EXOC7: variants seen among roughly 807,000 people sequenced by gnomAD.
EXOC7 encodes exocyst complex component 7, also known as exocyst complex component Exo70.
A neutral mutation model predicts 87.6 loss-of-function variants in EXOC7; 51 were observed. That is an observed-to-expected ratio of 0.58 (90% CI 0.46 to 0.73). The LOEUF (loss-of-function observed/expected upper bound fraction) is 0.73. EXOC7 is among the 30% of genes least tolerant of loss of function. The pLI is 0.00. For missense variants in EXOC7, 744 were observed against 888.4 expected (o/e 0.84, Z 2.07); for synonymous variants, 327 against 357.1 (o/e 0.92, Z 0.95).
At chr17:76,089,425 G>C in intron 7 of EXOC7, 105 bp from the exon 8 acceptor site, 1 of 1,404,696 alleles carries the variant, frequency 7.1e-7, no homozygotes, top group Non-Finnish European at 9.8e-7. Context: ...CACACTGGCA[G>C]AGGATGGGGA....
At chr17:76,103,329 C>CCTGCA in intron 2 of EXOC7, 32 bp downstream of exon 2, 1 of 1,562,620 alleles carries the variant, frequency 6.4e-7, no homozygotes, top group Non-Finnish European at 8.7e-7. Context: ...GTCCGGAGGC[C>CCTGCA]TGCCCTCTCC....
intron 2 of EXOC7, among the ~76,000 whole-genome samples, chr17:76,102,324 C>G (rs2144713901): frequency 6.6e-6 from 1 of 151,842 alleles, no homozygotes; most frequent in Admixed American, 6.6e-5. Context: ...CCTGTAATAC[C>G]CAGAATTTGG....
At chr17:76,094,822 T>G (rs1264189515) in intron 5 of EXOC7, among the ~76,000 whole-genome samples, 1 of 150,612 alleles carries the variant, frequency 6.6e-6, no homozygotes, top group Non-Finnish European at 1.5e-5. Context: ...GTCAGCTCAC[T>G]GCAGGCTCGA....
intron 4 of EXOC7, among the ~76,000 whole-genome samples, chr17:76,100,336 A>T (rs1437983950): frequency 6.6e-6 from 1 of 152,108 alleles, no homozygotes; most frequent in African/African-American, 2.4e-5. Context: ...GAGTTAAAAT[A>T]GCACATTTTG....
In EXOC7 at chr17:76,103,737, C is replaced by A. The variant is rs1411848409; in HGVS notation, c.-45G>T. 18 of 1,545,710 alleles carry A rather than the reference C, an allele frequency of 1.2e-5. No individual in the cohort carries two copies. Among genetic ancestry groups the A allele is most frequent in the Non-Finnish European group, 1.6e-5 (18 of 1,144,268 alleles). ...CCCACTCCCCAGTATCTTTCCTCCG[C>A]GGGCCCACCGGGCCCCCGTCCCCGT... On this transcript the variant is annotated 5_prime_UTR_variant, in exon 1 of 19. Coordinates refer to ENST00000589210, the MANE Select transcript of EXOC7 (RefSeq NM_001013839.4).
At position 76,088,128 on chromosome 17, in the gene EXOC7, GA is replaced by G. The variant is rs781427093; in HGVS notation, c.1300-7del. ...TACTCCTTGTCCGGGTCATTCTGTG[GA>G]AAAACAGCCTCTGGTTCCCTGAAGC... is the stretch of plus-strand genomic sequence containing the variant. On this transcript the variant is annotated splice_polypyrimidine_tract_variant and splice_region_variant and intron_variant, in intron 10 of 18. Coordinates refer to ENST00000589210, the MANE Select transcript of EXOC7 (RefSeq NM_001013839.4). The G allele has an allele frequency of 6.2e-7, 1 of 1,613,606 alleles. No homozygotes were observed. The highest frequency in any genetic ancestry group is 2.2e-5 in the East Asian group (1 of 44,886).
intron 5 of EXOC7, among the ~76,000 whole-genome samples, chr17:76,096,198 A>G (rs2067740214): frequency 6.6e-6 from 1 of 152,196 alleles, no homozygotes; most frequent in South Asian, 2.1e-4. Flanking sequence ...CACACAAACA[A>G]AGAGAAGAGT....
chr17:76,098,051 C>G, intron 4 of EXOC7, 33 bp from the exon 5 acceptor site: 2 of 1,590,326 alleles, frequency 1.3e-6, no homozygotes, highest in Non-Finnish European at 1.7e-6. Flanking sequence ...CAGGTGCCTG[C>G]TGCTTCAGTG....
In EXOC7 at chr17:76,098,001, G is replaced by A. The variant is rs145348610; in HGVS notation, c.435C>T (p.Arg145=). 48 of 1,613,984 alleles carry A rather than the reference G, an allele frequency of 3.0e-5. No individual in the cohort carries two copies. Among genetic ancestry groups the A allele is most frequent in the East Asian group, 8.9e-5 (4 of 44,888 alleles). ...ELNKVKLLFE[R]GKEALESEFR... ...ATTCGGACTCCAGGGCCTCCTTCCCGCGCTCAAAGAGCAGTTTCTGCACAG... is the reference window on the plus strand; with the variant it reads ...ATTCGGACTCCAGGGCCTCCTTCCCACGCTCAAAGAGCAGTTTCTGCACAG... Residue 145 remains arginine (R), a synonymous_variant, in exon 5 of 19, where the codon CGC becomes CGT. Transcript: ENST00000589210.
Position 76,081,793 on chromosome 17 carries a change from C to T in EXOC7, c.*1855G>A. 4 of 1,613,398 alleles carry T rather than the reference C, an allele frequency of 2.5e-6. No homozygotes were observed. Among genetic ancestry groups the T allele is most frequent in the Non-Finnish European group, 3.4e-6 (4 of 1,179,484 alleles). ...CCCTTACCCAGTCTGCCCTGTTTCT[C>T]CCCGGTCACCCACTGGTGCTCAGCT... On this transcript the variant is annotated 3_prime_UTR_variant, in exon 19 of 19. Coordinates refer to ENST00000589210, the MANE Select transcript of EXOC7 (RefSeq NM_001013839.4).
chr17:76,103,496 A>C, intron 1 of EXOC7, 70 bp from the exon 2 acceptor site: 1 of 1,547,030 alleles, frequency 6.5e-7, no homozygotes, highest in Non-Finnish European at 8.7e-7. Context: ...TCCCAACCCC[A>C]CGGCCTAGCC....
In EXOC7 at chr17:76,083,465, C is replaced by T. The variant is rs563676881; in HGVS notation, c.*183G>A. 30 of 617,736 alleles carry T rather than the reference C, an allele frequency of 4.9e-5. No individual in the cohort carries two copies. The highest frequency in any genetic ancestry group is 4.0e-5 in the Non-Finnish European group (14 of 347,284). The allele number at this position is 617,736 out of a possible 1,614,324, so 38.3% of individuals were successfully genotyped here. Reference sequence around the variant, plus strand: ...GAGAGTGCTGGTTCGGCTGGGAACACGGGCTGTGGGGAAAAAGCAGGAGCC... The same window carrying T: ...GAGAGTGCTGGTTCGGCTGGGAACATGGGCTGTGGGGAAAAAGCAGGAGCC... On this transcript the variant is annotated 3_prime_UTR_variant, in exon 19 of 19. Transcript: ENST00000589210.
intron 5 of EXOC7, among the ~76,000 whole-genome samples, chr17:76,097,320 T>G (rs2067809891): frequency 6.6e-6 from 1 of 152,178 alleles, no homozygotes; most frequent in African/African-American, 2.4e-5. Context: ...ATTCACCACT[T>G]GATATACAAG....
Position 76,083,496 on chromosome 17 carries a change from T to C in EXOC7, c.*152A>G, listed in dbSNP as rs577361022. Reference sequence around the variant, plus strand: ...GTGGGGAAAAAGCAGGAGCCAGGACTAGGGGGCTCAGGGACACAGCTCCCG... The same window carrying C: ...GTGGGGAAAAAGCAGGAGCCAGGACCAGGGGGCTCAGGGACACAGCTCCCG... On this transcript the variant is annotated 3_prime_UTR_variant, in exon 19 of 19. Transcript: ENST00000589210. 2.8e-5 allele frequency: 20 copies of C among 708,800 alleles called. No homozygotes were observed. The African/African-American group carries it at 3.1e-4, about 11-fold the overall frequency. 43.9% of individuals were successfully genotyped at this position (708,800 alleles called of 1,614,324 possible). A position where few individuals can be genotyped will look rare whatever the true frequency, so the allele number is the denominator to read the frequency against.
rs140681182 is a variant in EXOC7 at position 76,091,222 on chromosome 17, C to T, written c.822G>A (p.Lys274=). ...KPVKRPGTIR[K]AQNLLKQYSQ... ...AATACTGTTTCAGAAGGTTCTGAGC[C>T]TTACGGATCGTCCCTGTCACCAGAG... is the stretch of plus-strand genomic sequence containing the variant. The change falls in exon 7 of 19, where the codon AAG becomes AAA. Residue 274 remains lysine, a synonymous_variant. Transcript: ENST00000589210. 5.5e-5 allele frequency: 89 copies of T among 1,614,002 alleles called. No individual in the cohort carries two copies. The African/African-American group carries it at 1.0e-3, about 18-fold the overall frequency.
rs2067040685 is a variant in EXOC7 at position 76,082,835 on chromosome 17, C to T, written c.*813G>A. ...TGCCTCAAGGGTCAGTCTTCAATCT[C>T]GTCCTAAATAGGTGGGGCCCTATTT... On this transcript the variant is annotated 3_prime_UTR_variant, in exon 19 of 19. Coordinates refer to ENST00000589210, the MANE Select transcript of EXOC7 (RefSeq NM_001013839.4). The T allele has an allele frequency of 9.5e-6, 5 of 527,012 alleles. No homozygotes were observed. The highest frequency in any genetic ancestry group is 3.4e-5 in the East Asian group (1 of 29,338). 32.6% of individuals were successfully genotyped at this position (527,012 alleles called of 1,614,324 possible).
At chr17:76,088,352 G>A in intron 10 of EXOC7, 112 bp downstream of exon 10, 1 of 1,136,600 alleles carries the variant, frequency 8.8e-7, no homozygotes, top group Non-Finnish European at 1.3e-6. Flanking sequence ...TGGCGCAGCT[G>A]GCTGCCCCGG....
At position 76,089,151 on chromosome 17, in the gene EXOC7, A is replaced by C. The variant is rs2067355120; in HGVS notation, c.1047+24T>G. ...GACAGCTCTTGCTGGGGCTGGCTGC[A>C]GAGCCCCCGGGGCGGGGCGGGACCT... is the stretch of plus-strand genomic sequence containing the variant. On this transcript the variant is annotated intron_variant, in intron 8 of 18. Coordinates refer to ENST00000589210, the MANE Select transcript of EXOC7 (RefSeq NM_001013839.4). 1.9e-6 allele frequency: 3 copies of C among 1,611,194 alleles called. No individual in the cohort carries two copies. In the East Asian group the frequency reaches 6.7e-5, roughly 36 times the overall value.
Position 76,101,794 on chromosome 17 carries a change from G to T in EXOC7, c.196C>A (p.Gln66Lys), listed in dbSNP as rs757231043. Residue 66 changes from glutamine to lysine, a missense_variant, in exon 3 of 19, where the codon CAG becomes AAG. By Grantham distance (53) the Gln-to-Lys change is moderately conservative. Coordinates refer to ENST00000589210, the MANE Select transcript of EXOC7 (RefSeq NM_001013839.4). ...TGCAGCCGCTGCAGATTCTCCGTCTGCTTGTGCACAGGGATGATGGAGTTC... is the reference window on the plus strand; with the variant it reads ...TGCAGCCGCTGCAGATTCTCCGTCTTCTTGTGCACAGGGATGATGGAGTTC... ...LENSIIPVHK[Q>K]TENLQRLQEN... The T allele has an allele frequency of 4.3e-6, 7 of 1,613,970 alleles. No homozygotes were observed. The highest frequency in any genetic ancestry group is 5.1e-6 in the Non-Finnish European group (6 of 1,180,028).
Sources: allele counts gnomAD v4.1 joint callset (sites outside exome capture counted in the v4.1 genomes callset), GRCh38; gene constraint gnomAD v4.1.1; transcripts MANE v1.5; gene names NCBI Gene and HGNC (gene_info 2026-07-23, HGNC 2026-07-21).